SUMF2: variants seen among roughly 807,000 people sequenced by gnomAD.
SUMF2 encodes inactive C-alpha-formylglycine-generating enzyme 2.
A neutral mutation model predicts 44.8 loss-of-function variants in SUMF2; 45 were observed. The ratio of observed to expected loss-of-function variants is 1.00; its 90% confidence interval spans 0.79 to 1.29. The LOEUF is 1.29. Among genes scored for constraint, SUMF2 ranks in the 50% most tolerant of loss-of-function variants. SUMF2 has a pLI of 0.00. For synonymous variants in SUMF2, 148 were observed against 150.4 expected (o/e 0.98, Z 0.12); for missense variants, 418 against 389.9 (o/e 1.07, Z -0.61).
Position 56,073,047 on chromosome 7 carries a change from G to A in SUMF2, c.275G>A (p.Trp92Ter). The change falls in exon 3 of 9, where the codon TGG becomes TAG. Residue 92 changes from tryptophan to a stop codon, truncating the protein, a stop_gained. Transcript: ENST00000434526. LOFTEE classifies it high-confidence loss of function. ...KYRTEAEMFG[W>*]SFVFEDFVSD... ...CGGACAGAAGCTGAGATGTTTGGAT[G>A]GAGCTTTGTCTTTGAGGACTTTGTC... 6.2e-7 allele frequency: 1 copy of A among 1,614,138 alleles called. No homozygotes were observed. The highest frequency in any genetic ancestry group is 8.5e-7 in the Non-Finnish European group (1 of 1,180,036).
chr7:56,065,751 A>G (rs1401281111), intron 1 of SUMF2, among the ~76,000 whole-genome samples: 1 of 152,062 alleles, frequency 6.6e-6, no homozygotes, highest in African/African-American at 2.4e-5. Context: ...CCACGCCAGG[A>G]TGATCCGTTT....
downstream of SUMF2, chr7:56,081,382 G>C: frequency 6.7e-7 from 1 of 1,490,472 alleles, no homozygotes. The surrounding 1 kb of genome is among the most constrained non-coding windows in gnomAD (Gnocchi z 4.6). Context: ...CTCTGGGCTC[G>C]TTTGCCACGA....
Position 56,078,478 on chromosome 7 carries a change from C to T in SUMF2, c.791C>T (p.Ser264Phe), listed in dbSNP as rs769656237. 6.3e-7 allele frequency: 1 copy of T among 1,591,760 alleles called. No homozygotes were observed. The highest frequency in any genetic ancestry group is 8.6e-7 in the Non-Finnish European group (1 of 1,168,284). The change falls in exon 8 of 9, where the codon TCT (serine) becomes TTT (phenylalanine). Residue 264 changes from serine (S) to phenylalanine (F), a missense_variant. Ser to Phe is a radical substitution (Grantham distance 155). Coordinates refer to ENST00000434526, the MANE Select transcript of SUMF2 (RefSeq NM_015411.4). ...TCCTGGATCGACACAGCTGATGGCT[C>T]TGCCAATCACCGGGCCCGGGTCACC... ...GASWIDTADG[S>F]ANHRARVTTR...
chr7:56,084,012 T>G, downstream of SUMF2: 1 of 620,808 alleles, frequency 1.6e-6, no homozygotes, highest in Non-Finnish European at 2.8e-6. Context: ...GAAAAATTTT[T>G]CCCACCATTT....
At chr7:56,079,382 C>T in intron 8 of SUMF2, 146 bp from the exon 9 acceptor site, 5 of 806,542 alleles carry the variant, frequency 6.2e-6, no homozygotes, top group Non-Finnish European at 7.9e-6. Context: ...CCTGTCCTCA[C>T]ACCAGGCTTC....
Position 56,076,760 on chromosome 7 carries a change from T to G in SUMF2, c.536-74T>G, listed in dbSNP as rs10237846. 7.0e-4 allele frequency: 981 copies of G among 1,392,332 alleles called. 8 individuals are homozygous for G. In the African/African-American group the frequency reaches 0.013, roughly 19 times the overall value. 86.2% of individuals were successfully genotyped at this position (1,392,332 alleles called of 1,614,324 possible). On this transcript the variant is annotated intron_variant, in intron 5 of 8. Coordinates refer to ENST00000434526, the MANE Select transcript of SUMF2 (RefSeq NM_015411.4). ...TCTAACTTCCTTTTGATTCCCTCAC[T>G]CTTTCTGTGTTCTTTTTTCCTTCCC... is the stretch of plus-strand genomic sequence containing the variant.
downstream of SUMF2, among the ~76,000 whole-genome samples, chr7:56,084,825 GT>G: frequency 6.6e-6 from 1 of 152,286 alleles, no homozygotes; most frequent in African/African-American, 2.4e-5. Flanking sequence ...GAACAATCTA[GT>G]TATACCCTGG....
chr7:56,069,465 GTATA>G (rs1476758282), intron 2 of SUMF2, among the ~76,000 whole-genome samples: 2 of 151,324 alleles, frequency 1.3e-5, no homozygotes, highest in Non-Finnish European at 2.9e-5. Context: ...AAGTAAATAA[GTATA>G]TAAATATACA....
At chr7:56,083,378 C>T (rs1374377148), downstream of SUMF2, 4 of 1,614,098 alleles carry the variant, frequency 2.5e-6, no homozygotes, top group Admixed American at 6.7e-5. Context: ...GCTTCAGGTC[C>T]CGGTGCACGA....
intron 2 of SUMF2, among the ~76,000 whole-genome samples, chr7:56,072,556 C>T (rs1401890016): frequency 6.6e-6 from 1 of 151,638 alleles, no homozygotes; most frequent in African/African-American, 2.4e-5. Context: ...AACCCTGTCA[C>T]TACTAAAAAT....
the SUMF2 span, among the ~76,000 whole-genome samples, chr7:56,085,707 G>A: frequency 6.6e-6 from 1 of 151,742 alleles, no homozygotes; most frequent in Non-Finnish European, 1.5e-5. Flanking sequence ...GCTCACGCCT[G>A]TAATCCCAGC....
At chr7:56,084,527 C>A (rs1328371926), downstream of SUMF2, among the ~76,000 whole-genome samples, 1 of 152,022 alleles carries the variant, frequency 6.6e-6, no homozygotes, top group African/African-American at 2.4e-5. Flanking sequence ...GTGCCCACTA[C>A]CACACCCAGC....
chr7:56,068,429 A>G (rs1020926074), intron 1 of SUMF2, 53 bp from the exon 2 acceptor site: 116 of 1,498,288 alleles, frequency 7.7e-5, no homozygotes, highest in Non-Finnish European at 1.0e-4. Context: ...AAATATTACC[A>G]CTTGTTTTAT....
At position 56,076,901 on chromosome 7, in the gene SUMF2, G is replaced by A. The variant is rs200151055; in HGVS notation, c.591+12G>A. On this transcript the variant is annotated intron_variant, in intron 6 of 8. Transcript: ENST00000434526. ...CCAACCTGTGGCAGGTAAGACCTAC[G>A]TTCCTCCTTTCACCAAGCATTGACA... is the stretch of plus-strand genomic sequence containing the variant. 194 of 1,603,040 alleles carry A rather than the reference G, an allele frequency of 1.2e-4. No individual in the cohort carries two copies. The highest frequency in any genetic ancestry group is 1.4e-4 in the Non-Finnish European group (169 of 1,174,348).
At position 56,079,966 on chromosome 7, in the gene SUMF2, G is replaced by T. The variant is rs1795872108; in HGVS notation, c.*354G>T. ...ATCTATTCTCTCCCCCTTTCTCCCT[G>T]GATGATTCAGGAAGCTGACATTGTT... is the stretch of plus-strand genomic sequence containing the variant. On this transcript the variant is annotated 3_prime_UTR_variant, in exon 9 of 9. Coordinates refer to ENST00000434526, the MANE Select transcript of SUMF2 (RefSeq NM_015411.4). 8.7e-7 allele frequency: 1 copy of T among 1,151,524 alleles called. No individual in the cohort carries two copies. Among genetic ancestry groups the T allele is most frequent in the Non-Finnish European group, 1.2e-6 (1 of 828,878 alleles). The allele number at this position is 1,151,524 out of a possible 1,614,324, so 71.3% of individuals were successfully genotyped here.
At chr7:56,071,785 AAAATAAATAAAT>A (rs71015179) in intron 2 of SUMF2, among the ~76,000 whole-genome samples, 6 of 145,156 alleles carry the variant, frequency 4.1e-5, no homozygotes, top group African/African-American at 7.7e-5. Flanking sequence ...ACTCCGTCTA[AAAATAAATAAAT>A]AAATAAATAA....
chr7:56,086,898 C>T, the SUMF2 span: 2 of 1,163,754 alleles, frequency 1.7e-6, no homozygotes, highest in East Asian at 2.3e-5. Context: ...CTCCAGGCAG[C>T]CCTGGGGTTG....
chr7:56,086,161 G>A, the SUMF2 span, among the ~76,000 whole-genome samples: 5 of 151,534 alleles, frequency 3.3e-5, no homozygotes, highest in Admixed American at 3.3e-4. Context: ...GGAAGCCCCT[G>A]TCTCTTGCTA....
At chr7:56,086,870 G>T in the SUMF2 span, 1 of 890,564 alleles carries the variant, frequency 1.1e-6, no homozygotes, top group Non-Finnish European at 1.9e-6. Flanking sequence ...CATCCTCAGC[G>T]CAGGAGCTGG....
Sources: allele counts gnomAD v4.1 joint callset (sites outside exome capture counted in the v4.1 genomes callset), GRCh38; gene constraint gnomAD v4.1.1; non-coding constraint Gnocchi (gnomAD v3.1); transcripts MANE v1.5; gene names NCBI Gene and HGNC (gene_info 2026-07-23, HGNC 2026-07-21).